Variants in PRDM10 observed in about 807,000 individuals in gnomAD.
PRDM10 encodes the protein PR/SET domain 10, also known as PR domain zinc finger protein 10.
In PRDM10, 65 loss-of-function variants were observed where a neutral mutation model predicts 133.1. The observed-to-expected ratio is 0.49, with a 90% confidence interval of 0.40 to 0.60. The LOEUF is 0.60. Ranked by LOEUF, PRDM10 falls within the 20% of genes least tolerant of loss-of-function variation. The pLI is 0.00. For missense variants in PRDM10, 1,137 were observed against 1,507.1 expected (o/e 0.75, Z 4.07); for synonymous variants, 582 against 580.4 (o/e 1.00, Z -0.04).
chr11:129,962,640 T>C (rs1951818615), intron 1 of PRDM10, among the ~76,000 whole-genome samples: 1 of 152,244 alleles, frequency 6.6e-6, no homozygotes. Context: ...GGTGGTTACA[T>C]AAGGAATATG....
chr11:129,947,079 C>T lies in PRDM10; in HGVS notation c.520+66G>A, dbSNP rs543126079. On this transcript the variant is annotated intron_variant, in intron 5 of 20. Coordinates refer to ENST00000360871, the MANE Select transcript of PRDM10 (RefSeq NM_199437.2). This position sits in a 1 kb window ranked among gnomAD's most constrained non-coding sequence, Gnocchi z 4.6. ...CGCACGGGAGCTATGTTCACACACACGCACACGTACACAGACACACAAGAT... is the reference window on the plus strand; with the variant it reads ...CGCACGGGAGCTATGTTCACACACATGCACACGTACACAGACACACAAGAT... 7.3e-5 allele frequency: 115 copies of T among 1,576,224 alleles called. No individual in the cohort carries two copies. The African/African-American group carries it at 1.2e-3, about 17-fold the overall frequency.
intron 1 of PRDM10, among the ~76,000 whole-genome samples, chr11:129,996,464 C>T (rs1565518760): frequency 6.6e-6 from 1 of 152,130 alleles, no homozygotes; most frequent in Non-Finnish European, 1.5e-5. Context: ...ATTGAAATTC[C>T]AAGGTCCAAA....
intron 1 of PRDM10, among the ~76,000 whole-genome samples, chr11:130,002,379 C>A (rs2136024174): frequency 6.6e-6 from 1 of 152,200 alleles, no homozygotes; most frequent in East Asian, 1.9e-4. Context: ...ACGCCGAGGC[C>A]GGCGCTGAAC....
chr11:129,976,378 A>G (rs12294939), intron 1 of PRDM10, among the ~76,000 whole-genome samples: 28,820 of 152,122 alleles, frequency 0.19, 4,332 homozygotes, highest in East Asian at 0.46. Flanking sequence ...GAGTAGGTAC[A>G]GGACCCATCA....
chr11:129,918,470 C>G lies in PRDM10; in HGVS notation c.2214+69G>C. 2.0e-6 allele frequency: 3 copies of G among 1,526,478 alleles called. No individual in the cohort carries two copies. The highest frequency in any genetic ancestry group is 2.7e-6 in the Non-Finnish European group (3 of 1,128,256). 94.6% of individuals were successfully genotyped at this position (1,526,478 alleles called of 1,614,324 possible). A position where few individuals can be genotyped will look rare whatever the true frequency, so the allele number is the denominator to read the frequency against. On this transcript the variant is annotated intron_variant, in intron 14 of 20. Coordinates refer to ENST00000360871, the MANE Select transcript of PRDM10 (RefSeq NM_199437.2). The surrounding 1 kb of genome is among the most constrained non-coding windows in gnomAD (Gnocchi z 5.3). Reference sequence around the variant, plus strand: ...AACTTAGGACACAATGCAACACAAACGTCACCATCATCGACAGCAATGAGG... The same window carrying G: ...AACTTAGGACACAATGCAACACAAAGGTCACCATCATCGACAGCAATGAGG...
Position 129,905,648 on chromosome 11 carries a change from G to A in PRDM10, c.3257C>T (p.Ala1086Val), listed in dbSNP as rs773008697. Residue 1086 changes from alanine (A) to valine (V), a missense_variant, in exon 20 of 21, where the codon GCG (alanine) becomes GTG (valine). Around this residue, in one of 6 missense-constraint regions of PRDM10, gnomAD observed 243 missense variants for 259.2 expected, o/e 0.94. Transcript: ENST00000360871. Reference sequence around the variant, plus strand: ...AGTAGCGTAGCTTACCGAAGTAACCGCCTTCACCTGGCCAGTAGTAACTGG... The same window carrying A: ...AGTAGCGTAGCTTACCGAAGTAACCACCTTCACCTGGCCAGTAGTAACTGG... ...ATPVTTGQVK[A>V]VTSGHYVLSE... 21 of 1,613,718 alleles carry A rather than the reference G, an allele frequency of 1.3e-5. No individual in the cohort carries two copies. The highest frequency in any genetic ancestry group is 5.0e-5 in the Admixed American group (3 of 59,994).
intron 18 of PRDM10, among the ~76,000 whole-genome samples, chr11:129,911,648 T>A (rs1297935502): frequency 6.6e-6 from 1 of 152,204 alleles, no homozygotes; most frequent in East Asian, 1.9e-4. Context: ...AAAGACCACT[T>A]CTTCTAAAAA....
At position 129,947,255 on chromosome 11, in the gene PRDM10, T is replaced by C; in HGVS notation, c.410A>G (p.Asp137Gly). The change falls in exon 5 of 21, where the codon GAT becomes GGT. Residue 137 changes from aspartate to glycine, a missense_variant. Coordinates refer to ENST00000360871, the MANE Select transcript of PRDM10 (RefSeq NM_199437.2). The surrounding 1 kb of genome is among the most constrained non-coding windows in gnomAD (Gnocchi z 4.6). ...LGRLEAKEEE[D>G]EDEDEDTEED... is the part of the protein sequence containing the mutation. ...CTCAGTGTCCTCGTCCTCATCCTCA[T>C]CCTCTTCCTCTTTGGCCTCCAGTCT... The C allele has an allele frequency of 1.9e-6, 3 of 1,614,090 alleles. No homozygotes were observed. The highest frequency in any genetic ancestry group is 2.5e-6 in the Non-Finnish European group (3 of 1,180,006).
chr11:129,925,979 G>A (rs1015396088), intron 11 of PRDM10, among the ~76,000 whole-genome samples: 16 of 152,176 alleles, frequency 1.1e-4, no homozygotes, highest in African/African-American at 2.4e-4. Flanking sequence ...AGCACATGTC[G>A]TAAATGGAAT....
intron 19 of PRDM10, among the ~76,000 whole-genome samples, chr11:129,906,659 T>C (rs1175301943): frequency 6.6e-6 from 1 of 152,198 alleles, no homozygotes; most frequent in East Asian, 1.9e-4. Flanking sequence ...TTTATAAAAG[T>C]TTTCTAGCTA....
intron 6 of PRDM10, among the ~76,000 whole-genome samples, chr11:129,943,982 C>T (rs1951304692): frequency 6.6e-6 from 1 of 151,970 alleles, no homozygotes; most frequent in African/African-American, 2.4e-5. Flanking sequence ...CAGAGCGAGG[C>T]TCCATCTCAA....
At chr11:129,978,997 T>A (rs1359184967) in intron 1 of PRDM10, among the ~76,000 whole-genome samples, 1 of 152,152 alleles carries the variant, frequency 6.6e-6, no homozygotes, top group Non-Finnish European at 1.5e-5. Context: ...GAGACACTTG[T>A]TGGGGGTCCT....
Position 129,918,629 on chromosome 11 carries a change from C to G in PRDM10, c.2124G>C (p.Thr708=), listed in dbSNP as rs755345400. The G allele has an allele frequency of 6.2e-7, 1 of 1,614,218 alleles. No individual in the cohort carries two copies. The highest frequency in any genetic ancestry group is 1.1e-5 in the South Asian group (1 of 91,090). ...CTGTGGACGTGATGCGGGGCTTGAACGTCTTGGAGCGGCTGATGCGGTCGG... is the reference window on the plus strand; with the variant it reads ...CTGTGGACGTGATGCGGGGCTTGAAGGTCTTGGAGCGGCTGATGCGGTCGG... The part of the protein sequence containing the change: ...KKADRISRSK[T]FKPRITSTDY... The change falls in exon 14 of 21, where the codon ACG becomes ACC. Residue 708 remains threonine (T), a synonymous_variant. Coordinates refer to ENST00000360871, the MANE Select transcript of PRDM10 (RefSeq NM_199437.2). The surrounding 1 kb of genome is among the most constrained non-coding windows in gnomAD (Gnocchi z 5.3).
intron 4 of PRDM10, among the ~76,000 whole-genome samples, chr11:129,949,456 T>C (rs962063534): frequency 6.6e-6 from 1 of 152,222 alleles, no homozygotes; most frequent in African/African-American, 2.4e-5. Context: ...CCTCCTCAAA[T>C]TTAAAAGATC....
At chr11:129,970,243 C>T (rs894533512) in intron 1 of PRDM10, among the ~76,000 whole-genome samples, 10 of 152,198 alleles carry the variant, frequency 6.6e-5, no homozygotes, top group African/African-American at 2.2e-4. Flanking sequence ...ATCTTGAGGA[C>T]GTTACACTAA....
At chr11:129,984,629 C>A (rs1938311366) in intron 1 of PRDM10, among the ~76,000 whole-genome samples, 1 of 152,232 alleles carries the variant, frequency 6.6e-6, no homozygotes, top group South Asian at 2.1e-4. Flanking sequence ...TCCCTGACCT[C>A]ACATGGCACT....
intron 11 of PRDM10, among the ~76,000 whole-genome samples, chr11:129,926,052 T>C (rs1950668905): frequency 6.6e-6 from 1 of 152,222 alleles, no homozygotes; most frequent in Non-Finnish European, 1.5e-5. Context: ...AGCTAGTTAG[T>C]TCTACTGGTT....
At chr11:129,982,677 G>A (rs1194425521) in intron 1 of PRDM10, among the ~76,000 whole-genome samples, 1 of 152,158 alleles carries the variant, frequency 6.6e-6, no homozygotes, top group Non-Finnish European at 1.5e-5. Flanking sequence ...TTAGCCAGGA[G>A]CAGTGGTTCA....
At chr11:129,931,578 T>TTA (rs1487814893) in intron 10 of PRDM10, among the ~76,000 whole-genome samples, 25 of 131,612 alleles carry the variant, frequency 1.9e-4, no homozygotes, top group African/African-American at 7.7e-4. Flanking sequence ...TTTATTTTAT[T>TTA]TTTTTTTTGA....
Sources: gnomAD v4.1 joint callset for allele counts (sites outside exome capture counted in the v4.1 genomes callset) on GRCh38, gnomAD v4.1.1 for gene constraint, gnomAD v4.1.1 regional missense constraint, Gnocchi (gnomAD v3.1) non-coding constraint, MANE v1.5 for transcripts, NCBI Gene and HGNC (gene_info 2026-07-23, HGNC 2026-07-21) for gene names.